SORCS1: variants seen among roughly 807,000 people sequenced by gnomAD.
SORCS1 encodes sortilin related VPS10 domain containing receptor 1.
In SORCS1, 60 loss-of-function variants were observed where a neutral mutation model predicts 146.1. The ratio of observed to expected loss-of-function variants is 0.41; its 90% CI spans 0.33 to 0.51. The LOEUF (loss-of-function observed/expected upper bound fraction) is 0.51, where lower values mean the gene tolerates loss of function less well. Ranked by LOEUF, SORCS1 falls within the 20% of genes least tolerant of loss-of-function variation. The pLI is 0.21. For missense variants in SORCS1, 1,352 were observed against 1,487.6 expected, an observed-to-expected ratio of 0.91 and a Z score of 1.50; for synonymous variants, 637 against 584.0, an observed-to-expected ratio of 1.09 and a Z score of -1.31.
At chr10:106,826,557 G>C (rs1369504531) in intron 3 of SORCS1, among the ~76,000 whole-genome samples, 1 of 152,176 alleles carries the variant, frequency 6.6e-6, no homozygotes, top group Non-Finnish European at 1.5e-5. Flanking sequence ...CTATCTCTTT[G>C]ATTCAAATAT....
rs555750017 is a variant in SORCS1, at chr10:106,621,654, T to C, written c.2663-1093A>G. Among the ~76,000 whole-genome samples, 10 of 152,122 alleles carry C rather than the reference T, an allele frequency of 6.6e-5. No individual in the cohort carries two copies. The East Asian group carries it at 1.9e-3, about 30-fold the overall frequency. ...CAATCAAATGTTCTCAAGGACCCTG[T>C]TATTTCCCTCTCCTGTATTCTCTAC... is the stretch of plus-strand genomic sequence containing the variant. On this transcript the variant is annotated intron_variant, in intron 19 of 25. Transcript: ENST00000263054.
intron 24 of SORCS1, among the ~76,000 whole-genome samples, chr10:106,588,736 C>T (rs1318552421): frequency 6.6e-6 from 1 of 151,674 alleles, no homozygotes; most frequent in African/African-American, 2.4e-5. Context: ...TGGCAGGTGC[C>T]TGCGGTTCCA....
chr10:107,045,896 C>T (rs1332498518), intron 1 of SORCS1, among the ~76,000 whole-genome samples: 1 of 151,358 alleles, frequency 6.6e-6, no homozygotes, highest in East Asian at 1.9e-4. Context: ...CAATCCTTCA[C>T]ACCTCAGTCT....
At chr10:107,073,314 T>C (rs2134193449) in intron 1 of SORCS1, among the ~76,000 whole-genome samples, 1 of 152,320 alleles carries the variant, frequency 6.6e-6, no homozygotes, top group East Asian at 1.9e-4. Context: ...TTCTATGAGA[T>C]GAATCTCCAT....
the SORCS1 span, among the ~76,000 whole-genome samples, chr10:107,172,083 T>A: frequency 6.6e-6 from 1 of 152,234 alleles, no homozygotes; most frequent in Non-Finnish European, 1.5e-5. Flanking sequence ...CAGTTCATTG[T>A]TAAACTGGTA....
At chr10:107,149,180 C>T (rs1968569049) in intron 1 of SORCS1, among the ~76,000 whole-genome samples, 1 of 152,202 alleles carries the variant, frequency 6.6e-6, no homozygotes, top group South Asian at 2.1e-4. Context: ...GCCCCAGTTT[C>T]ATCCTTTCTG....
At chr10:106,911,694 C>T (rs943756660) in intron 2 of SORCS1, among the ~76,000 whole-genome samples, 2 of 152,164 alleles carry the variant, frequency 1.3e-5, no homozygotes, top group African/African-American at 2.4e-5. Context: ...GGTTCTCAAC[C>T]CTGGTTGTCC....
intron 1 of SORCS1, among the ~76,000 whole-genome samples, chr10:107,086,704 T>G (rs978412484): frequency 2.0e-5 from 3 of 152,214 alleles, no homozygotes; most frequent in African/African-American, 4.8e-5. Flanking sequence ...TACAGCACTC[T>G]GTTAGTCACA....
At chr10:107,076,174 G>A (rs747839782) in intron 1 of SORCS1, among the ~76,000 whole-genome samples, 2 of 151,944 alleles carry the variant, frequency 1.3e-5, no homozygotes, top group Non-Finnish European at 2.9e-5. Context: ...CTAGGTTTTC[G>A]GCACCGTATT....
At chr10:106,686,695 A>G (rs1852874174) in intron 10 of SORCS1, among the ~76,000 whole-genome samples, 1 of 152,200 alleles carries the variant, frequency 6.6e-6, no homozygotes. Flanking sequence ...TAATAAGGAT[A>G]GAAGCTGAGT....
intron 24 of SORCS1, among the ~76,000 whole-genome samples, chr10:106,591,454 G>C (rs1845600182): frequency 6.6e-6 from 1 of 152,132 alleles, no homozygotes; most frequent in Non-Finnish European, 1.5e-5. Context: ...CATGTCATGG[G>C]GACAGGTTCA....
In SORCS1 at chr10:107,111,064, C is replaced by A. The variant is rs182662165; in HGVS notation, c.558+52905G>T. On this transcript the variant is annotated intron_variant, in intron 1 of 25. Coordinates refer to ENST00000263054, the MANE Select transcript of SORCS1 (RefSeq NM_052918.5). ...CAATCCCATCAGCTCAGAGTCTCAA[C>A]ATGAGGAGGCTTTTCCTGCCAAAAC... Among the ~76,000 whole-genome samples, 21 of 152,314 alleles carry A rather than the reference C, an allele frequency of 1.4e-4. 1 individual carries two copies. The highest frequency in any genetic ancestry group is 3.3e-4 in the Admixed American group (5 of 15,306).
chr10:106,708,109 C>T (rs1854665435), intron 7 of SORCS1, among the ~76,000 whole-genome samples: 1 of 152,068 alleles, frequency 6.6e-6, no homozygotes, highest in African/African-American at 2.4e-5. Flanking sequence ...AGAAAAGGTT[C>T]CTGGGAGCAG....
intron 2 of SORCS1, among the ~76,000 whole-genome samples, chr10:106,924,231 A>T (rs1470062389): frequency 1.3e-5 from 2 of 150,312 alleles, no homozygotes; most frequent in African/African-American, 2.4e-5. Context: ...TCCAGCCTGG[A>T]CAATAAGAGC....
intron 1 of SORCS1, among the ~76,000 whole-genome samples, chr10:107,059,191 A>G (rs901817130): frequency 6.6e-6 from 1 of 152,194 alleles, no homozygotes; most frequent in African/African-American, 2.4e-5. Context: ...ACCTAGGGTT[A>G]CAAGCAGGCC....
At chr10:106,947,414 T>A (rs1212639775) in intron 2 of SORCS1, among the ~76,000 whole-genome samples, 2 of 152,150 alleles carry the variant, frequency 1.3e-5, no homozygotes, top group South Asian at 2.1e-4. Flanking sequence ...TAAAGATCTA[T>A]CGGAAAGGTA....
chr10:106,662,364 A>C (rs1850796426), intron 17 of SORCS1, among the ~76,000 whole-genome samples: 1 of 152,134 alleles, frequency 6.6e-6, no homozygotes, highest in African/African-American at 2.4e-5. Context: ...GCTTCCAAAT[A>C]AACTCTCAGA....
intron 1 of SORCS1, among the ~76,000 whole-genome samples, chr10:107,136,313 G>A (rs1967295062): frequency 6.6e-6 from 1 of 152,136 alleles, no homozygotes; most frequent in African/African-American, 2.4e-5. Context: ...GTGACCTTCT[G>A]AAATCCTAAA....
intron 3 of SORCS1, among the ~76,000 whole-genome samples, chr10:106,815,214 C>A (rs944736868): frequency 2.0e-5 from 3 of 152,068 alleles, no homozygotes; most frequent in African/African-American, 7.2e-5. Context: ...ACCTTGGCCT[C>A]CCAAAGTGCT....
Sources: gnomAD v4.1 joint callset for allele counts (sites outside exome capture counted in the v4.1 genomes callset) on GRCh38, gnomAD v4.1.1 for gene constraint, MANE v1.5 for transcripts, NCBI Gene and HGNC (gene_info 2026-07-23, HGNC 2026-07-21) for gene names.